GNAT3: variants seen among roughly 807,000 people sequenced by gnomAD.
The protein encoded by GNAT3 is guanine nucleotide-binding protein G(t) subunit alpha-3.
In GNAT3, 31 loss-of-function variants were observed where a neutral mutation model predicts 37.7. That is an observed-to-expected ratio of 0.82 (90% confidence interval 0.62 to 1.11). The LOEUF (loss-of-function observed/expected upper bound fraction) is 1.11. GNAT3 is among the 50% of genes most tolerant of loss of function. The pLI is 0.00. For missense variants in GNAT3, 437 were observed against 412.5 expected (o/e 1.06, Z -0.51); for synonymous variants, 138 against 139.8 (o/e 0.99, Z 0.09).
intron 5 of GNAT3, among the ~76,000 whole-genome samples, chr7:80,473,444 A>G (rs1311158687): frequency 6.6e-6 from 1 of 152,154 alleles, no homozygotes; most frequent in Non-Finnish European, 1.5e-5. Context: ...TGAATAATTC[A>G]TGCCACTCTA....
At chr7:80,493,800 T>C (rs13310135) in intron 2 of GNAT3, among the ~76,000 whole-genome samples, 2 of 41,774 alleles carry the variant, frequency 4.8e-5, no homozygotes, top group African/African-American at 9.3e-5. Flanking sequence ...TTCCTCCTCC[T>C]CCTCTTTCCT....
At chr7:80,504,096 G>T (rs893601271) in intron 1 of GNAT3, among the ~76,000 whole-genome samples, 1 of 152,216 alleles carries the variant, frequency 6.6e-6, no homozygotes, top group South Asian at 2.1e-4. Flanking sequence ...CAGGCAGATC[G>T]CTTGAGCCCA....
chr7:80,478,538 A>C (rs2116170000), intron 4 of GNAT3, among the ~76,000 whole-genome samples: 1 of 152,314 alleles, frequency 6.6e-6, no homozygotes, highest in South Asian at 2.1e-4. Context: ...AGTCTGTGTT[A>C]GTGTGAAAGG....
Position 80,476,197 on chromosome 7 carries a change from A to G in GNAT3, c.462-1818T>C, listed in dbSNP as rs1264002778. 5.3e-5 allele frequency among the ~76,000 whole-genome samples: 8 copies of G among 152,022 alleles called. No homozygotes were observed. In the East Asian group the frequency reaches 9.7e-4, roughly 18 times the overall value. On this transcript the variant is annotated intron_variant, in intron 4 of 7. Coordinates refer to ENST00000398291, the MANE Select transcript of GNAT3 (RefSeq NM_001102386.3). ...TTTATTTGCATGTATGAATGATTTC[A>G]AGCAAAGCAGAAGCATTAGCAGACT... is the stretch of plus-strand genomic sequence containing the variant.
intron 5 of GNAT3, among the ~76,000 whole-genome samples, chr7:80,472,318 GCCA>G (rs1790234299): frequency 6.6e-6 from 1 of 152,046 alleles, no homozygotes; most frequent in African/African-American, 2.4e-5. Flanking sequence ...GCTACAATCA[GCCA>G]GCCCTCCATC....
intron 1 of GNAT3, among the ~76,000 whole-genome samples, chr7:80,499,770 T>A (rs1281312926): frequency 2.0e-5 from 3 of 151,192 alleles, no homozygotes; most frequent in African/African-American, 7.4e-5. Context: ...TGGAACTAAA[T>A]AGATATGAGC....
Position 80,462,644 on chromosome 7 carries a change from A to C in GNAT3, c.591-13T>G. The C allele has an allele frequency of 6.2e-7, 1 of 1,604,158 alleles. No homozygotes were observed. Among genetic ancestry groups the C allele is most frequent in the Non-Finnish European group, 8.5e-7 (1 of 1,174,236 alleles). ...TACATCAAACATCCTTTAAGAAAAC[A>C]TCAAATGAATAATAAATCTTGCAAA... On this transcript the variant is annotated splice_polypyrimidine_tract_variant and intron_variant, in intron 5 of 7. Coordinates refer to ENST00000398291, the MANE Select transcript of GNAT3 (RefSeq NM_001102386.3).
At chr7:80,503,700 CATAAAG>C (rs1790878830) in intron 1 of GNAT3, among the ~76,000 whole-genome samples, 1 of 152,124 alleles carries the variant, frequency 6.6e-6, no homozygotes, top group Admixed American at 6.6e-5. Context: ...TCATGGAAAA[CATAAAG>C]ATACATGGGC....
At chr7:80,477,563 A>G (rs2116167945) in intron 4 of GNAT3, among the ~76,000 whole-genome samples, 1 of 152,274 alleles carries the variant, frequency 6.6e-6, no homozygotes, top group East Asian at 1.9e-4. Flanking sequence ...TAATTACAGA[A>G]AATTTTTTCT....
At chr7:80,460,123 A>G (rs1324053971) in intron 7 of GNAT3, among the ~76,000 whole-genome samples, 1 of 152,226 alleles carries the variant, frequency 6.6e-6, no homozygotes, top group Non-Finnish European at 1.5e-5. Flanking sequence ...CGTTTAAGGA[A>G]CAGAATATTA....
At chr7:80,501,346 G>T (rs1237714576) in intron 1 of GNAT3, among the ~76,000 whole-genome samples, 1 of 151,832 alleles carries the variant, frequency 6.6e-6, no homozygotes, top group Non-Finnish European at 1.5e-5. Flanking sequence ...ATACATATAT[G>T]AACATAGTTT....
chr7:80,468,285 G>C (rs1790156941), intron 5 of GNAT3, among the ~76,000 whole-genome samples: 1 of 136,626 alleles, frequency 7.3e-6, no homozygotes, highest in African/African-American at 2.5e-5. Context: ...TTTCATATCA[G>C]AATAGATTAT....
Position 80,494,622 on chromosome 7 carries a change from A to G in GNAT3, c.144T>C (p.Thr48=). 6.5e-7 allele frequency: 1 copy of G among 1,531,594 alleles called. No homozygotes were observed. Among genetic ancestry groups the G allele is most frequent in the Non-Finnish European group, 8.9e-7 (1 of 1,118,770 alleles). 94.9% of individuals were successfully genotyped at this position (1,531,594 alleles called of 1,614,324 possible). The part of the protein sequence containing the change: ...LLGAGESGKS[T]IVKQMKIIHK... ...ATACCTACTTCATTTGTTTAACAAT[A>G]GTACTTTTCCCAGATTCTCCTGCTC... Residue 48 remains threonine (T), a synonymous_variant, in exon 2 of 8, where the codon ACT becomes ACC. Transcript: ENST00000398291.
intron 2 of GNAT3, among the ~76,000 whole-genome samples, chr7:80,489,769 G>T (rs770075874): frequency 1.2e-4 from 18 of 152,052 alleles, no homozygotes; most frequent in Non-Finnish European, 2.9e-5. Flanking sequence ...AGAAAAAAAT[G>T]CAGTAAAATG....
At chr7:80,460,703 G>T (rs964381310) in intron 7 of GNAT3, among the ~76,000 whole-genome samples, 3 of 151,932 alleles carry the variant, frequency 2.0e-5, no homozygotes, top group African/African-American at 7.2e-5. Context: ...AGCTGAGATC[G>T]TGCCACTGCA....
intron 5 of GNAT3, among the ~76,000 whole-genome samples, chr7:80,470,017 G>T (rs555045004): frequency 4.6e-5 from 7 of 151,994 alleles, no homozygotes; most frequent in African/African-American, 1.7e-4. Flanking sequence ...AAATTTTATT[G>T]TTTAAATAAA....
intron 3 of GNAT3, chr7:80,486,329 TTGAA>T (rs1406213980): frequency 1.3e-5 from 2 of 152,184 alleles, no homozygotes; most frequent in Non-Finnish European, 2.9e-5. Flanking sequence ...AATGTACAGT[TTGAA>T]TGAACTGTAC....
At chr7:80,495,425 A>T (rs556718601) in intron 1 of GNAT3, among the ~76,000 whole-genome samples, 2 of 147,450 alleles carry the variant, frequency 1.4e-5, no homozygotes, top group African/African-American at 5.0e-5. Flanking sequence ...AGCCATTTTG[A>T]CCTGGTGTAA....
At chr7:80,472,444 G>A (rs1790236625) in intron 5 of GNAT3, among the ~76,000 whole-genome samples, 1 of 152,134 alleles carries the variant, frequency 6.6e-6, no homozygotes, top group Admixed American at 6.6e-5. Flanking sequence ...GCCTCCATGA[G>A]GATATGCATT....
Sources: allele counts gnomAD v4.1 joint callset (sites outside exome capture counted in the v4.1 genomes callset), GRCh38; gene constraint gnomAD v4.1.1; transcripts MANE v1.5; gene names NCBI Gene and HGNC (gene_info 2026-07-23, HGNC 2026-07-21).